LIMK2: variants seen among roughly 807,000 people sequenced by gnomAD.
The protein encoded by LIMK2 is LIM domain kinase 2.
LIMK2 carries 35 observed loss-of-function variants against 75.7 expected under a neutral mutation model. The ratio of observed to expected loss-of-function variants is 0.46; its 90% CI spans 0.35 to 0.61. The LOEUF (loss-of-function observed/expected upper bound fraction) is 0.61, where lower values mean the gene tolerates loss of function less well. Among genes scored for constraint, LIMK2 ranks in the 20% least tolerant of loss-of-function variants. The probability of loss-of-function intolerance (pLI) is 0.00; values close to 1 mark genes in which losing one functional copy is unlikely to be tolerated. For missense variants in LIMK2, 623 were observed against 831.0 expected, an observed-to-expected ratio of 0.75 and a Z score of 3.08; for synonymous variants, 301 against 319.2, an observed-to-expected ratio of 0.94 and a Z score of 0.61.
intron 12 of LIMK2, among the ~76,000 whole-genome samples, chr22:31,272,227 A>ATTTTTTTTTTTT (rs34015226): frequency 7.6e-6 from 1 of 131,030 alleles, no homozygotes; most frequent in African/African-American, 3.0e-5. Context: ...CGCCCAGCTA[A>ATTTTTTTTTTTT]TTTTTTTTTT....
chr22:31,276,176 A>G (rs1439184759), intron 15 of LIMK2, among the ~76,000 whole-genome samples: 3 of 152,204 alleles, frequency 2.0e-5, no homozygotes, highest in African/African-American at 7.2e-5. Context: ...CGGAGGTTGC[A>G]GTGAGCCGAT....
At chr22:31,260,118 G>A (rs2048824255) in intron 5 of LIMK2, 41 bp downstream of exon 5, 8 of 1,497,482 alleles carry the variant, frequency 5.3e-6, no homozygotes, top group Middle Eastern at 1.8e-4. Flanking sequence ...TTCTTGAGCA[G>A]AGTCTGTAAA....
At chr22:31,213,148 TCTAGA>T (rs760728053) in intron 1 of LIMK2, among the ~76,000 whole-genome samples, 4 of 152,124 alleles carry the variant, frequency 2.6e-5, no homozygotes, top group Admixed American at 6.6e-5. Flanking sequence ...CCTTGGCCTC[TCTAGA>T]CTAAAGACTA....
chr22:31,235,076 A>T (rs1456889723), intron 2 of LIMK2, among the ~76,000 whole-genome samples: 1 of 152,056 alleles, frequency 6.6e-6, no homozygotes. Flanking sequence ...ACATTTATTC[A>T]TGTGATCATC....
rs2049063383 is a variant in LIMK2, at chr22:31,279,338, AGT to A, written c.*901_*902del. On this transcript the variant is annotated 3_prime_UTR_variant, in exon 16 of 16. Transcript: ENST00000331728. ...TAAAGCTCGATGGGTTCTGGAGGAC[AGT>A]GTGGCTTGTCACAGGCCTAGAGTCT... The A allele has an allele frequency of 6.6e-6, 1 of 152,256 alleles. No homozygotes were observed. Among genetic ancestry groups the A allele is most frequent in the Non-Finnish European group, 1.5e-5 (1 of 68,066 alleles). 9.4% of individuals were successfully genotyped at this position (152,256 alleles called of 1,614,324 possible).
intron 1 of LIMK2, among the ~76,000 whole-genome samples, chr22:31,223,898 T>C (rs2048457424): frequency 2.6e-5 from 4 of 152,240 alleles, no homozygotes; most frequent in Admixed American, 2.6e-4. Flanking sequence ...CCAGCTTGTT[T>C]AACTCTTCTC....
chr22:31,262,212 C>T lies in LIMK2; in HGVS notation c.630C>T (p.Thr210=). ...ACCGCATCCTGGAGATCAATGGGAC[C>T]CCCGTCCGCACACTTCGAGTGGAGG... ...PGDRILEING[T]PVRTLRVEEV... The change falls in exon 6 of 16, where the codon ACC becomes ACT. Residue 210 remains threonine, a synonymous_variant. Coordinates refer to ENST00000331728, the MANE Select transcript of LIMK2 (RefSeq NM_005569.4). This position sits in a 1 kb window ranked among gnomAD's most constrained non-coding sequence, Gnocchi z 5.0. 1 of 1,613,940 alleles carries T rather than the reference C, an allele frequency of 6.2e-7. No homozygotes were observed. Among genetic ancestry groups the T allele is most frequent in the Non-Finnish European group, 8.5e-7 (1 of 1,179,784 alleles).
At position 31,262,951 on chromosome 22, in the gene LIMK2, T is replaced by C. The variant is rs1171133235; in HGVS notation, c.854+160T>C. On this transcript the variant is annotated intron_variant, in intron 7 of 15. Coordinates refer to ENST00000331728, the MANE Select transcript of LIMK2 (RefSeq NM_005569.4). The surrounding 1 kb of genome is among the most constrained non-coding windows in gnomAD (Gnocchi z 5.0). ...AGCTGCCCCTGTGGGGATCACAGTT[T>C]ACAGCCAGAGCCTGTGCGGACCCAG... Among the ~76,000 whole-genome samples, 1 of 152,186 alleles carries C rather than the reference T, an allele frequency of 6.6e-6. No individual in the cohort carries two copies. Among genetic ancestry groups the C allele is most frequent in the African/African-American group, 2.4e-5 (1 of 41,450 alleles).
intron 11 of LIMK2, among the ~76,000 whole-genome samples, chr22:31,269,421 C>A (rs1389827285): frequency 2.0e-5 from 3 of 151,418 alleles, no homozygotes; most frequent in Non-Finnish European, 4.4e-5. Context: ...AGCCACCATG[C>A]CCGGCAGGAA....
At chr22:31,220,856 C>T (rs1601398066) in intron 1 of LIMK2, among the ~76,000 whole-genome samples, 1 of 152,042 alleles carries the variant, frequency 6.6e-6, no homozygotes, top group African/African-American at 2.4e-5. Flanking sequence ...CAGCTATACT[C>T]GGGAGGCTGA....
intron 2 of LIMK2, among the ~76,000 whole-genome samples, chr22:31,235,328 G>A (rs5753518): frequency 0.11 from 17,369 of 152,174 alleles, 1,297 homozygotes; most frequent in East Asian, 0.4. Context: ...ATGGCAAGAC[G>A]GAATCAGTTC....
chr22:31,232,399 A>G lies in LIMK2; in HGVS notation c.116+6580A>G, dbSNP rs2048537156. ...CTGTAAAATGTCATAAAAGAAATCC[A>G]TCTCATGGAGTAGTTGTGATGATCA... On this transcript the variant is annotated intron_variant, in intron 2 of 15. Transcript: ENST00000331728. Among the ~76,000 whole-genome samples, 3 of 152,188 alleles carry G rather than the reference A, an allele frequency of 2.0e-5. No individual in the cohort carries two copies. The South Asian group carries it at 6.2e-4, about 31-fold the overall frequency.
At chr22:31,247,638 C>G (rs1408931801) in intron 2 of LIMK2, among the ~76,000 whole-genome samples, 2 of 152,172 alleles carry the variant, frequency 1.3e-5, no homozygotes, top group African/African-American at 4.8e-5. Flanking sequence ...TCACATGAGC[C>G]TACATTTAAA....
At chr22:31,275,586 A>G in intron 15 of LIMK2, 1 of 412,308 alleles carries the variant, frequency 2.4e-6, no homozygotes, top group East Asian at 4.3e-5. Context: ...GAATACAGTA[A>G]GTGTATTCAT....
rs892726106 is a variant in LIMK2 at position 31,266,284 on chromosome 22, ACC to A, written c.1041+156_1041+157del. On this transcript the variant is annotated intron_variant, in intron 8 of 15. Transcript: ENST00000331728. Reference sequence around the variant, plus strand: ...GGTGTTGGTGTGAGAGGTATCCTTCACCCCCACCCAGGCCACCTAAGGTCAAT... The same window carrying A: ...GGTGTTGGTGTGAGAGGTATCCTTCACCCACCCAGGCCACCTAAGGTCAAT... The A allele has an allele frequency of 1.2e-5, 9 of 742,540 alleles. No individual in the cohort carries two copies. The African/African-American group carries it at 1.6e-4, about 13-fold the overall frequency. 46.0% of individuals were successfully genotyped at this position (742,540 alleles called of 1,614,324 possible). A position where few individuals can be genotyped will look rare whatever the true frequency, so the allele number is the denominator to read the frequency against.
chr22:31,256,590 T>C (rs191261553), intron 2 of LIMK2, among the ~76,000 whole-genome samples: 3 of 152,162 alleles, frequency 2.0e-5, no homozygotes, highest in Non-Finnish European at 4.4e-5. Flanking sequence ...TCCACCCGCC[T>C]CGGCCTCCCA....
rs536630552 is a variant in LIMK2 at position 31,246,746 on chromosome 22, G to C, written c.117-11545G>C. Among the ~76,000 whole-genome samples, 25 of 124,698 alleles carry C rather than the reference G, an allele frequency of 2.0e-4. No individual in the cohort carries two copies. In the South Asian group the frequency reaches 5.8e-3, roughly 29 times the overall value. The allele number at this position is 124,698 out of a possible 152,430, so 81.8% of individuals were successfully genotyped here. Reference sequence around the variant, plus strand: ...CGCACTCCAGCCTGAGTGACAGAGAGAGACCCTGACTCAAAAAAAAAAAAA... The same window carrying C: ...CGCACTCCAGCCTGAGTGACAGAGACAGACCCTGACTCAAAAAAAAAAAAA... On this transcript the variant is annotated intron_variant, in intron 2 of 15. Coordinates refer to ENST00000331728, the MANE Select transcript of LIMK2 (RefSeq NM_005569.4).
rs527908535 is a variant in LIMK2 at position 31,261,641 on chromosome 22, G to A, written c.552-493G>A. 2.2e-4 allele frequency among the ~76,000 whole-genome samples: 34 copies of A among 152,130 alleles called. 1 individual carries two copies. Among genetic ancestry groups the A allele is most frequent in the Admixed American group, 1.8e-3 (27 of 15,282 alleles). On this transcript the variant is annotated intron_variant, in intron 5 of 15. Coordinates refer to ENST00000331728, the MANE Select transcript of LIMK2 (RefSeq NM_005569.4). Reference sequence around the variant, plus strand: ...AAATTAGCTGGGTATGGTGGTGCGCGCCTGTAATCCCAGTTACTCAGGAGG... The same window carrying A: ...AAATTAGCTGGGTATGGTGGTGCGCACCTGTAATCCCAGTTACTCAGGAGG...
chr22:31,277,416 CAAAA>C (rs57244615), intron 15 of LIMK2: 649 of 1,004,348 alleles, frequency 6.5e-4, no homozygotes, highest in Middle Eastern at 2.8e-3. Context: ...TGGTGCAGCT[CAAAA>C]AAAAAAAAAA....
Sources: gnomAD v4.1 joint callset for allele counts (sites outside exome capture counted in the v4.1 genomes callset) on GRCh38, gnomAD v4.1.1 for gene constraint, Gnocchi (gnomAD v3.1) non-coding constraint, MANE v1.5 for transcripts, NCBI Gene and HGNC (gene_info 2026-07-23, HGNC 2026-07-21) for gene names.